SIK3: variants seen among roughly 807,000 people sequenced by gnomAD.
SIK3 encodes the protein SIK family kinase 3, also known as serine/threonine-protein kinase SIK3.
SIK3 carries 28 observed loss-of-function variants against 144.2 expected under a neutral mutation model. That is an observed-to-expected ratio of 0.19 (90% CI 0.14 to 0.27). SIK3 has a LOEUF of 0.27. SIK3 is among the 10% of genes least tolerant of loss of function. The pLI, the probability that SIK3 is intolerant of heterozygous loss-of-function variation, is 1.00. For missense variants in SIK3, 1,319 were observed against 1,776.0 expected, an observed-to-expected ratio of 0.74 and a Z score of 4.62; for synonymous variants, 686 against 676.3, an observed-to-expected ratio of 1.01 and a Z score of -0.22.
At chr11:117,043,178 C>T (rs1952817516) in intron 1 of SIK3, among the ~76,000 whole-genome samples, 1 of 152,066 alleles carries the variant, frequency 6.6e-6, no homozygotes, top group Non-Finnish European at 1.5e-5. Flanking sequence ...AGGGCATTCC[C>T]ACCATCCCTC....
chr11:116,987,831 CATT>C (rs1220364379), intron 1 of SIK3, among the ~76,000 whole-genome samples: 1 of 152,114 alleles, frequency 6.6e-6, no homozygotes, highest in Non-Finnish European at 1.5e-5. Context: ...GTTGAAGAAT[CATT>C]ATGCAGAGAA....
At chr11:116,862,749 G>A (rs1429500168) in intron 16 of SIK3, among the ~76,000 whole-genome samples, 3 of 152,142 alleles carry the variant, frequency 2.0e-5, no homozygotes, top group Non-Finnish European at 2.9e-5. Flanking sequence ...ATGTACAGCA[G>A]GTTTAATCAA....
intron 1 of SIK3, among the ~76,000 whole-genome samples, chr11:117,089,364 G>A (rs145206629): frequency 0.045 from 6,760 of 148,596 alleles, 506 homozygotes; most frequent in African/African-American, 0.16. Flanking sequence ...CCAAGATCGC[G>A]CCACTGCACT....
intron 4 of SIK3, among the ~76,000 whole-genome samples, chr11:116,901,350 G>T (rs1219708900): frequency 2.0e-5 from 3 of 152,108 alleles, no homozygotes; most frequent in Admixed American, 6.5e-5. Context: ...GTCACCTCCT[G>T]ACTACTGGAG....
At chr11:116,965,767 ATATATATATATATAT>A (rs1949516184) in intron 1 of SIK3, among the ~76,000 whole-genome samples, 9 of 32,338 alleles carry the variant, frequency 2.8e-4, no homozygotes, top group African/African-American at 5.4e-4. Flanking sequence ...ATATATATAT[ATATATATATATATAT>A]AAATTAGCCA....
intron 4 of SIK3, among the ~76,000 whole-genome samples, chr11:116,917,775 C>A (rs76136280): frequency 1.6e-5 from 2 of 121,306 alleles, no homozygotes; most frequent in Non-Finnish European, 3.3e-5. Flanking sequence ...AGAGAAAGAA[C>A]GAAAGAAAGA....
At chr11:116,893,390 A>G (rs1591248631) in intron 6 of SIK3, among the ~76,000 whole-genome samples, 1 of 152,248 alleles carries the variant, frequency 6.6e-6, no homozygotes, top group South Asian at 2.1e-4. Flanking sequence ...ATATAACTCT[A>G]AAGAGACAGG....
At chr11:117,097,856 A>G (rs1174992873) in intron 1 of SIK3, among the ~76,000 whole-genome samples, 1 of 149,750 alleles carries the variant, frequency 6.7e-6, no homozygotes, top group East Asian at 2.0e-4. Context: ...CTTCTTTCCA[A>G]TCATCCCCTT....
At chr11:117,087,421 T>A (rs947736598) in intron 1 of SIK3, among the ~76,000 whole-genome samples, 1 of 151,906 alleles carries the variant, frequency 6.6e-6, no homozygotes, top group Non-Finnish European at 1.5e-5. Context: ...CCAGCCTGGG[T>A]GACAGAGCAA....
rs759400270 is a variant in SIK3 at position 116,858,685 on chromosome 11, C to G, written c.2780G>C (p.Arg927Pro). The G allele has an allele frequency of 3.9e-6, 6 of 1,537,738 alleles. No homozygotes were observed. The highest frequency in any genetic ancestry group is 1.7e-4 in the Middle Eastern group (1 of 5,722). The change falls in exon 21 of 25, where the codon CGG becomes CCG. Residue 927 changes from arginine to proline, a missense_variant. Arg to Pro is a moderately radical substitution (Grantham distance 103). Around this residue, in one of 8 missense-constraint regions of SIK3, gnomAD observed 646 missense variants for 763.7 expected, o/e 0.85. Coordinates refer to ENST00000445177, the MANE Select transcript of SIK3 (RefSeq NM_001366686.3). This position sits in a 1 kb window ranked among gnomAD's most constrained non-coding sequence, Gnocchi z 5.4. The part of the protein sequence containing the change: ...SAEAHSLNVN[R>P]FSPANYDQAH... Reference sequence around the variant, plus strand: ...CTGGTCGTAGTTAGCAGGGGAGAACCGATTCACGTTCAAGCTGCAGACACA... The same window carrying G: ...CTGGTCGTAGTTAGCAGGGGAGAACGGATTCACGTTCAAGCTGCAGACACA...
intron 6 of SIK3, among the ~76,000 whole-genome samples, chr11:116,888,322 C>T (rs903493730): frequency 6.6e-6 from 1 of 152,194 alleles, no homozygotes; most frequent in Non-Finnish European, 1.5e-5. Flanking sequence ...ACAGCAATAG[C>T]AGCTGGCCTC....
rs11603738 is a variant in SIK3 at position 117,079,644 on chromosome 11, C to T, written c.273+18499G>A. Among the ~76,000 whole-genome samples, 85 of 149,536 alleles carry T rather than the reference C, an allele frequency of 5.7e-4. 1 individual carries two copies. The highest frequency in any genetic ancestry group is 2.0e-3 in the African/African-American group (82 of 40,506). On this transcript the variant is annotated intron_variant, in intron 1 of 24. Transcript: ENST00000445177. Reference sequence around the variant, plus strand: ...ATATCAAAATGCATTTCACATGAAGCAAAGATTTACATTTAAAAACAAAAC... The same window carrying T: ...ATATCAAAATGCATTTCACATGAAGTAAAGATTTACATTTAAAAACAAAAC...
intron 1 of SIK3, among the ~76,000 whole-genome samples, chr11:117,061,632 A>C (rs145827080): frequency 9.9e-4 from 151 of 152,304 alleles, no homozygotes; most frequent in African/African-American, 3.4e-3. Flanking sequence ...AGTCAACATT[A>C]CCTGGGAGCT....
In SIK3 at chr11:116,867,901, TC is replaced by T. The variant is rs1157058306; in HGVS notation, c.1952+44del. The T allele has an allele frequency of 1.4e-6, 2 of 1,464,414 alleles. No individual in the cohort carries two copies. Among genetic ancestry groups the T allele is most frequent in the Admixed American group, 2.6e-5 (1 of 37,840 alleles). The allele number at this position is 1,464,414 out of a possible 1,614,324, so 90.7% of individuals were successfully genotyped here. On this transcript the variant is annotated intron_variant, in intron 15 of 24. Transcript: ENST00000445177. The surrounding 1 kb of genome is among the most constrained non-coding windows in gnomAD (Gnocchi z 4.1). ...GTGAGACTAATCAGAAGGGTGCCTGTCCGATGAGCCTCAAGGAGCTCGCACA... is the reference window on the plus strand; with the variant it reads ...GTGAGACTAATCAGAAGGGTGCCTGTCGATGAGCCTCAAGGAGCTCGCACA...
At chr11:116,957,112 T>A in intron 1 of SIK3, 48 bp from the exon 2 acceptor site, 1 of 1,036,758 alleles carries the variant, frequency 9.6e-7, no homozygotes, top group Non-Finnish European at 1.4e-6. Context: ...TTAAAAGCAG[T>A]TTACTAAGAA....
chr11:117,073,624 A>C (rs1020436886), intron 1 of SIK3, among the ~76,000 whole-genome samples: 18 of 152,232 alleles, frequency 1.2e-4, no homozygotes, highest in Non-Finnish European at 1.5e-5. Context: ...GGAGGCACTT[A>C]GCATACAGCA....
intron 1 of SIK3, among the ~76,000 whole-genome samples, chr11:116,999,650 C>A (rs891366189): frequency 1.3e-5 from 2 of 151,904 alleles, no homozygotes; most frequent in African/African-American, 4.8e-5. Context: ...GTCTCAAACT[C>A]CTGGCCTCAA....
intron 1 of SIK3, among the ~76,000 whole-genome samples, chr11:117,034,931 T>C (rs1294356897): frequency 6.6e-6 from 1 of 152,254 alleles, no homozygotes. Context: ...TGTACCTTGC[T>C]AATATTTTTA....
intron 1 of SIK3, among the ~76,000 whole-genome samples, chr11:117,069,795 C>G (rs1442651817): frequency 6.6e-6 from 1 of 152,188 alleles, no homozygotes; most frequent in Non-Finnish European, 1.5e-5. Context: ...GTCAATCACA[C>G]AGCCTCCCTC....
Sources: allele counts gnomAD v4.1 joint callset (sites outside exome capture counted in the v4.1 genomes callset), GRCh38; gene constraint gnomAD v4.1.1; regional missense constraint gnomAD v4.1.1; non-coding constraint Gnocchi (gnomAD v3.1); transcripts MANE v1.5; gene names NCBI Gene and HGNC (gene_info 2026-07-23, HGNC 2026-07-21).